Variants in NOS3 observed in about 807,000 individuals in gnomAD.
NOS3 encodes the protein NOS type III.
A neutral mutation model predicts 144.9 loss-of-function variants in NOS3; 98 were observed. The observed-to-expected ratio is 0.68, with a 90% confidence interval of 0.57 to 0.80. The LOEUF is 0.80. NOS3 is among the 30% of genes least tolerant of loss of function. The pLI, the probability that NOS3 is intolerant of heterozygous loss-of-function variation, is 0.00. For synonymous variants in NOS3, 714 were observed against 702.4 expected, an observed-to-expected ratio of 1.02 and a Z score of -0.26; for missense variants, 1,465 against 1,656.4, an observed-to-expected ratio of 0.88 and a Z score of 2.01.
Position 151,007,150 on chromosome 7 carries a change from C to T in NOS3, c.1986C>T (p.Ala662=). 1.9e-6 allele frequency: 3 copies of T among 1,614,000 alleles called. No homozygotes were observed. The highest frequency in any genetic ancestry group is 1.7e-5 in the Admixed American group (1 of 60,034). The change falls in exon 17 of 27, where the codon GCC becomes GCT. Residue 662 remains alanine, a synonymous_variant. Coordinates refer to ENST00000297494, the MANE Select transcript of NOS3 (RefSeq NM_000603.5). ...CCCGGGCATACCCCCACTTCTGCGC[C>T]TTTGCTCGTGCCGTGGACACACGGC... is the stretch of plus-strand genomic sequence containing the variant. ...LGSRAYPHFC[A]FARAVDTRLE...
At chr7:151,010,398 G>C (rs2117133741) in intron 21 of NOS3, 111 bp downstream of exon 21, 1 of 1,164,294 alleles carries the variant, frequency 8.6e-7, no homozygotes, top group Admixed American at 2.6e-5. Flanking sequence ...TCTTCTCCTG[G>C]CCGACATGCA....
chr7:151,000,587 G>A lies in NOS3; in HGVS notation c.1221G>A (p.Leu407=). 6.2e-7 allele frequency: 1 copy of A among 1,611,636 alleles called. No individual in the cohort carries two copies. The highest frequency in any genetic ancestry group is 8.5e-7 in the Non-Finnish European group (1 of 1,178,240). ...KAAVEINVAV[L]HSYQLAKVTI... ...CAGTGGAAATCAACGTGGCCGTGCT[G>A]CACAGTTACCAGGTGCAGAGGCCCA... Residue 407 remains leucine, a synonymous_variant, in exon 10 of 27, where the codon CTG becomes CTA. Coordinates refer to ENST00000297494, the MANE Select transcript of NOS3 (RefSeq NM_000603.5).
intron 3 of NOS3, 94 bp downstream of exon 3, chr7:150,995,408 T>C (rs1802355766): frequency 1.3e-6 from 1 of 749,432 alleles, no homozygotes. Flanking sequence ...TCAACCCTTC[T>C]TTGAATTGGT....
At chr7:150,994,215 G>T (rs575652270) in intron 2 of NOS3, among the ~76,000 whole-genome samples, 1 of 152,196 alleles carries the variant, frequency 6.6e-6, no homozygotes, top group Non-Finnish European at 1.5e-5. Context: ...CTGCTCTGCC[G>T]CCAGGAGCTG....
At chr7:151,000,461 T>C (rs1795065051) in intron 9 of NOS3, 37 bp from the exon 10 acceptor site, 3 of 1,325,918 alleles carry the variant, frequency 2.3e-6, no homozygotes, top group Non-Finnish European at 3.3e-6. Context: ...CGTGATCACC[T>C]CTGTCCCTAC....
At chr7:151,006,582 G>C (rs1795209639) in intron 15 of NOS3, 88 bp downstream of exon 15, 1 of 1,159,150 alleles carries the variant, frequency 8.6e-7, no homozygotes, top group African/African-American at 1.5e-5. Context: ...CTCTCCCTCT[G>C]TGCCTCAAGT....
intron 2 of NOS3, 66 bp downstream of exon 2, chr7:150,994,027 T>C: frequency 6.7e-7 from 1 of 1,493,624 alleles, no homozygotes; most frequent in Non-Finnish European, 8.9e-7. Flanking sequence ...AGCCTGGGGC[T>C]GGGAAGGTCT....
rs2853792 is a variant in NOS3, at chr7:151,002,789, G to A, written c.1752+485G>A. 0.68 allele frequency: 137,345 copies of A among 201,112 alleles called. 47,803 individuals are homozygous for A. The highest frequency in any genetic ancestry group is 0.82 in the African/African-American group (34,286 of 41,898). The allele number at this position is 201,112 out of a possible 1,614,324, so 12.5% of individuals were successfully genotyped here. A position where few individuals can be genotyped will look rare whatever the true frequency, so the allele number is the denominator to read the frequency against. On this transcript the variant is annotated intron_variant, in intron 14 of 26. Transcript: ENST00000297494. This position sits in a 1 kb window ranked among gnomAD's most constrained non-coding sequence, Gnocchi z 4.1. The stretch of plus-strand genomic sequence containing the variant: ...ACAGAGCTGTACATTTACAACATGT[G>A]CAACACTATTCCAGCATTTTATTTT...
intron 17 of NOS3, 99 bp downstream of exon 17, chr7:151,007,375 G>A (rs1795222555): frequency 8.2e-6 from 11 of 1,333,434 alleles, no homozygotes; most frequent in Non-Finnish European, 1.1e-5. Flanking sequence ...GTCCCTTCCT[G>A]TTCCTTCCAA....
At position 151,014,366 on chromosome 7, in the gene NOS3, C is replaced by T. The variant is rs1795394102; in HGVS notation, c.*197C>T. The stretch of plus-strand genomic sequence containing the variant: ...CCTCTCTAGGCCTGTTGCCTCGGGC[C>T]TGGGTCCGCCTTAATCTGGAAGGCC... On this transcript the variant is annotated 3_prime_UTR_variant, in exon 27 of 27. Coordinates refer to ENST00000297494, the MANE Select transcript of NOS3 (RefSeq NM_000603.5). 1.7e-6 allele frequency: 1 copy of T among 597,352 alleles called. No homozygotes were observed. Among genetic ancestry groups the T allele is most frequent in the Non-Finnish European group, 2.8e-6 (1 of 356,082 alleles). 37.0% of individuals were successfully genotyped at this position (597,352 alleles called of 1,614,324 possible).
intron 20 of NOS3, among the ~76,000 whole-genome samples, chr7:151,009,786 C>A (rs1484363990): frequency 6.6e-6 from 1 of 152,194 alleles, no homozygotes; most frequent in Non-Finnish European, 1.5e-5. Flanking sequence ...CTCAAATGCA[C>A]CCCCACCAAA....
In NOS3 at chr7:151,013,215, G is replaced by A. The variant is rs550402766; in HGVS notation, c.3107-16G>A. 111 of 1,607,672 alleles carry A rather than the reference G, an allele frequency of 6.9e-5. 1 individual carries two copies. In the South Asian group the frequency reaches 1.1e-3, roughly 16 times the overall value. On this transcript the variant is annotated splice_polypyrimidine_tract_variant and intron_variant, in intron 24 of 26. Coordinates refer to ENST00000297494, the MANE Select transcript of NOS3 (RefSeq NM_000603.5). ...GCCCCGGAGAAGAGCCTTCCCAAGC[G>A]CGGGGTTGCTTGCAGGGCTGCAGCC...
chr7:151,012,197 C>T (rs56254733), intron 23 of NOS3, 154 bp from the exon 24 acceptor site: 18 of 622,160 alleles, frequency 2.9e-5, no homozygotes, highest in Admixed American at 1.2e-4. Context: ...CAAGGAGTTT[C>T]AGCAAGTAGA....
intron 9 of NOS3, among the ~76,000 whole-genome samples, 189 bp downstream of exon 9, chr7:150,999,553 T>G (rs1163408311): frequency 6.7e-6 from 1 of 149,010 alleles, no homozygotes; most frequent in Non-Finnish European, 1.5e-5. Flanking sequence ...GGGGTGTGTG[T>G]GGGGGTGTGA....
chr7:150,999,113 G>A, intron 8 of NOS3, 28 bp downstream of exon 8: 1 of 1,612,534 alleles, frequency 6.2e-7, no homozygotes, highest in Non-Finnish European at 8.5e-7. Context: ...TGACTGGGTG[G>A]GATGGAGGGG....
At chr7:151,010,844 G>T in intron 22 of NOS3, 37 bp downstream of exon 22, 1 of 1,607,486 alleles carries the variant, frequency 6.2e-7, no homozygotes, top group East Asian at 2.2e-5. Context: ...GGCCACAGCA[G>T]GGTTGGGACC....
At chr7:151,012,666 G>T (rs1213015623) in intron 24 of NOS3, 194 bp downstream of exon 24, 5 of 584,626 alleles carry the variant, frequency 8.6e-6, no homozygotes, top group Non-Finnish European at 1.2e-5. Context: ...GCTTCCTGGT[G>T]CCTGGTACAT....
rs762779648 is a variant in NOS3, at chr7:151,009,207, G to A, written c.2264G>A (p.Arg755Lys). ...CCCCCAGGTCTGATCCACGTGCACA[G>A]GCGGAAGATGTTCCAGGCTACAATC... Reference protein sequence around the residue: ...QLLPGLIHVHRRKMFQATIRS... With the variant: ...QLLPGLIHVHKRKMFQATIRS... The change falls in exon 19 of 27, where the codon AGG becomes AAG. Residue 755 changes from arginine to lysine, a missense_variant. Physicochemically the swap from Arg to Lys is conservative, Grantham distance 26. Transcript: ENST00000297494. The A allele has an allele frequency of 1.3e-5, 21 of 1,613,832 alleles. No homozygotes were observed. The highest frequency in any genetic ancestry group is 1.7e-5 in the Non-Finnish European group (20 of 1,179,904).
chr7:151,012,668 C>G, intron 24 of NOS3, 196 bp downstream of exon 24: 2 of 578,538 alleles, frequency 3.5e-6, no homozygotes, highest in South Asian at 4.6e-5. Flanking sequence ...TTCCTGGTGC[C>G]TGGTACATAG....
Sources: allele counts gnomAD v4.1 joint callset (sites outside exome capture counted in the v4.1 genomes callset), GRCh38; gene constraint gnomAD v4.1.1; non-coding constraint Gnocchi (gnomAD v3.1); transcripts MANE v1.5; gene names NCBI Gene and HGNC (gene_info 2026-07-23, HGNC 2026-07-21).